SHTN1: variants seen among roughly 807,000 people sequenced by gnomAD.
The protein encoded by SHTN1 is shootin 1.
Under a neutral mutation model 83.1 loss-of-function variants are expected in SHTN1, and 42 were observed. That is an observed-to-expected ratio of 0.51 (90% CI 0.39 to 0.65). The LOEUF (loss-of-function observed/expected upper bound fraction) is 0.65, where lower values mean the gene tolerates loss of function less well. Among genes scored for constraint, SHTN1 ranks in the 30% least tolerant of loss-of-function variants. The pLI is 0.00. For missense variants in SHTN1, 622 were observed against 737.8 expected (o/e 0.84, Z 1.82); for synonymous variants, 224 against 247.7 (o/e 0.90, Z 0.90).
upstream of SHTN1, chr10:117,005,239 G>T: frequency 6.7e-7 from 1 of 1,489,066 alleles, no homozygotes; most frequent in Non-Finnish European, 8.9e-7. Context: ...GCGCGCGAGT[G>T]AGATCATCCC....
intron 2 of SHTN1, among the ~76,000 whole-genome samples, chr10:117,036,706 C>A (rs1041726003): frequency 5.3e-5 from 8 of 152,084 alleles, no homozygotes; most frequent in African/African-American, 1.9e-4. Flanking sequence ...ACAAGACCTA[C>A]TATTTGATAG....
intron 12 of SHTN1, among the ~76,000 whole-genome samples, chr10:116,918,658 T>C (rs1489384527): frequency 6.6e-6 from 1 of 152,222 alleles, no homozygotes; most frequent in East Asian, 1.9e-4. Flanking sequence ...TTCCATGTTT[T>C]TCCATGCTAA....
chr10:117,006,315 C>G (rs1038564147), upstream of SHTN1, among the ~76,000 whole-genome samples: 19 of 151,002 alleles, frequency 1.3e-4, no homozygotes, highest in Admixed American at 2.0e-4. Context: ...GCCTGTAATC[C>G]CAGCACTTTG....
chr10:116,997,081 G>A (rs1477271109), intron 1 of SHTN1, among the ~76,000 whole-genome samples: 3 of 152,124 alleles, frequency 2.0e-5, no homozygotes, highest in African/African-American at 7.2e-5. Context: ...AAAGACAAGA[G>A]GTCTATCTTC....
rs75349095 is a variant in SHTN1 at position 117,103,072 on chromosome 10, T to C, written c.-189+23235A>G. On this transcript the variant is annotated intron_variant, in intron 1 of 17. Coordinates refer to the SHTN1 transcript ENST00000392901. ...TTTGGTTCCTTGTTCTATTTTTTGT[T>C]TGTTTTGTTTTTGTTGTTGTTGTTG... is the stretch of plus-strand genomic sequence containing the variant. Among the ~76,000 whole-genome samples the C allele has an allele frequency of 2.5e-3, 382 of 152,232 alleles. 1 individual carries two copies. Among genetic ancestry groups the C allele is most frequent in the African/African-American group, 8.9e-3 (369 of 41,534 alleles).
At chr10:117,017,361 G>A (rs1289943716) in intron 2 of SHTN1, among the ~76,000 whole-genome samples, 1 of 151,554 alleles carries the variant, frequency 6.6e-6, no homozygotes, top group Non-Finnish European at 1.5e-5. Flanking sequence ...TGCAGTGGCG[G>A]GTGCCTGTAG....
At chr10:116,953,685 C>T (rs1268142343) in intron 5 of SHTN1, among the ~76,000 whole-genome samples, 2 of 134,200 alleles carry the variant, frequency 1.5e-5, no homozygotes, top group Non-Finnish European at 3.1e-5. Context: ...TGGAGTGCAA[C>T]GGCGCAATCT....
intron 1 of SHTN1, among the ~76,000 whole-genome samples, chr10:117,123,386 G>T (rs1291442360): frequency 6.6e-6 from 1 of 152,104 alleles, no homozygotes; most frequent in East Asian, 1.9e-4. Flanking sequence ...AACTTTGAGA[G>T]CCATTTGATG....
At chr10:117,099,431 G>A (rs928738980) in intron 1 of SHTN1, among the ~76,000 whole-genome samples, 3 of 152,060 alleles carry the variant, frequency 2.0e-5, no homozygotes, top group Non-Finnish European at 4.4e-5. Flanking sequence ...ATCTCATTTA[G>A]AAATTATTTG....
intron 13 of SHTN1, 28 bp downstream of exon 13, chr10:116,915,345 CAG>C (rs774033866): frequency 1.7e-6 from 2 of 1,143,354 alleles, no homozygotes; most frequent in South Asian, 1.3e-5. Context: ...AAATATCAAA[CAG>C]GGAAAAAAGC....
At position 116,881,596 on chromosome 10, in the gene SHTN1, G is replaced by C; in HGVS notation, c.*4748C>G. 1 of 1,550,384 alleles carries C rather than the reference G, an allele frequency of 6.5e-7. No homozygotes were observed. Among genetic ancestry groups the C allele is most frequent in the Non-Finnish European group, 8.7e-7 (1 of 1,146,878 alleles). Reference sequence around the variant, plus strand: ...GAGGCACTTGAGGCTGCTGCGGCTAGGGAGCCGCTGGTGCCCACCTTCCCC... The same window carrying C: ...GAGGCACTTGAGGCTGCTGCGGCTACGGAGCCGCTGGTGCCCACCTTCCCC... On this transcript the variant is annotated 3_prime_UTR_variant, in exon 17 of 17. Transcript: ENST00000355371.
intron 1 of SHTN1, among the ~76,000 whole-genome samples, chr10:117,122,575 A>T (rs1853946920): frequency 6.6e-6 from 1 of 152,358 alleles, no homozygotes; most frequent in African/African-American, 2.4e-5. Context: ...TGCAAAGCAA[A>T]ACCACAATGA....
intron 2 of SHTN1, among the ~76,000 whole-genome samples, chr10:117,012,147 A>G (rs1185650113): frequency 6.6e-6 from 1 of 151,812 alleles, no homozygotes; most frequent in African/African-American, 2.4e-5. Context: ...TCAAAAAAAA[A>G]AAAAAAGAGA....
At position 116,881,635 on chromosome 10, in the gene SHTN1, A is replaced by C; in HGVS notation, c.*4709T>G. On this transcript the variant is annotated 3_prime_UTR_variant, in exon 17 of 17. Transcript: ENST00000355371. ...CCCACCTTCCCCACACAAGGTGTAG[A>C]GGAATCAGCCGAAACAGGAGCATCC... is the stretch of plus-strand genomic sequence containing the variant. The C allele has an allele frequency of 6.5e-7, 1 of 1,548,908 alleles. No individual in the cohort carries two copies. The highest frequency in any genetic ancestry group is 8.7e-7 in the Non-Finnish European group (1 of 1,146,254).
At chr10:117,118,320 A>G (rs1853877666) in intron 1 of SHTN1, among the ~76,000 whole-genome samples, 1 of 150,950 alleles carries the variant, frequency 6.6e-6, no homozygotes, top group South Asian at 2.1e-4. Context: ...ATCCCTAATC[A>G]TCAGAGAAAT....
chr10:117,067,626 AAATCAATC>A (rs1033598135), intron 1 of SHTN1, among the ~76,000 whole-genome samples: 2 of 152,158 alleles, frequency 1.3e-5, no homozygotes, highest in African/African-American at 4.8e-5. Context: ...AAAAATTTTA[AAATCAATC>A]AATCAATCAA....
intron 11 of SHTN1, among the ~76,000 whole-genome samples, chr10:116,921,760 C>T (rs1356104005): frequency 1.3e-5 from 2 of 152,016 alleles, no homozygotes; most frequent in Non-Finnish European, 2.9e-5. Context: ...AAAATGCATA[C>T]ACACTTACAA....
chr10:116,916,612 C>T (rs529776934), intron 12 of SHTN1, among the ~76,000 whole-genome samples: 2 of 152,318 alleles, frequency 1.3e-5, no homozygotes, highest in South Asian at 4.1e-4. Context: ...CATCCCCGAG[C>T]TAATTAGCTC....
Position 116,952,013 on chromosome 10 carries a change from T to G in SHTN1, c.437-7A>C. On this transcript the variant is annotated splice_polypyrimidine_tract_variant and splice_region_variant and intron_variant, in intron 5 of 16. Coordinates refer to ENST00000355371, the MANE Select transcript of SHTN1 (RefSeq NM_001127211.3). Reference sequence around the variant, plus strand: ...ACAATTTGATCTCGAAGTTCTGCATTTTTAAAGAAAAAAAATATATAAATA... The same window carrying G: ...ACAATTTGATCTCGAAGTTCTGCATGTTTAAAGAAAAAAAATATATAAATA... 7.0e-7 allele frequency: 1 copy of G among 1,433,794 alleles called. No homozygotes were observed. Among genetic ancestry groups the G allele is most frequent in the Non-Finnish European group, 9.3e-7 (1 of 1,070,316 alleles). The allele number at this position is 1,433,794 out of a possible 1,614,324, so 88.8% of individuals were successfully genotyped here. A position where few individuals can be genotyped will look rare whatever the true frequency, so the allele number is the denominator to read the frequency against.
Sources: gnomAD v4.1 joint callset for allele counts (sites outside exome capture counted in the v4.1 genomes callset) on GRCh38, gnomAD v4.1.1 for gene constraint, MANE v1.5 for transcripts, NCBI Gene and HGNC (gene_info 2026-07-23, HGNC 2026-07-21) for gene names.